LRRC7: variants seen among roughly 807,000 people sequenced by gnomAD.
LRRC7 encodes the protein leucine rich repeat containing 7, also known as leucine-rich repeat-containing protein 7.
LRRC7 carries 23 observed loss-of-function variants against 175.7 expected under a neutral mutation model. The observed-to-expected ratio is 0.13, with a 90% CI of 0.09 to 0.19. The LOEUF (loss-of-function observed/expected upper bound fraction) is 0.19. Among genes scored for constraint, LRRC7 ranks in the 10% least tolerant of loss-of-function variants. The pLI, the probability that LRRC7 is intolerant of heterozygous loss-of-function variation, is 1.00. For synonymous variants in LRRC7, 685 were observed against 680.9 expected (o/e 1.01, Z -0.09); for missense variants, 1,354 against 1,904.7 (o/e 0.71, Z 5.38).
intron 1 of LRRC7, among the ~76,000 whole-genome samples, chr1:69,604,982 A>T (rs1168896224): frequency 6.6e-6 from 1 of 152,208 alleles, no homozygotes; most frequent in Non-Finnish European, 1.5e-5. Context: ...CCCATTGAAC[A>T]TCAGAGTGAT....
chr1:69,788,653 C>A (rs1033303651), intron 3 of LRRC7, among the ~76,000 whole-genome samples: 5 of 152,040 alleles, frequency 3.3e-5, no homozygotes, highest in African/African-American at 1.2e-4. Context: ...GACATTATTG[C>A]CTCTTTAGCC....
At chr1:69,874,750 CT>C (rs1685888822) in intron 7 of LRRC7, 1 of 152,000 alleles carries the variant, frequency 6.6e-6, no homozygotes, top group South Asian at 2.1e-4. Flanking sequence ...ATGCCTAACT[CT>C]TTGTATAAAA....
chr1:69,578,003 T>C (rs1646028205), intron 1 of LRRC7, among the ~76,000 whole-genome samples: 1 of 152,088 alleles, frequency 6.6e-6, no homozygotes, highest in Non-Finnish European at 1.5e-5. Flanking sequence ...TGATTCTTCC[T>C]ACCCTACAAA....
intron 1 of LRRC7, among the ~76,000 whole-genome samples, chr1:69,571,294 T>G (rs1645730058): frequency 6.6e-6 from 1 of 152,210 alleles, no homozygotes; most frequent in African/African-American, 2.4e-5. Context: ...TTATTCAGAA[T>G]TTTAGTGCAG....
intron 3 of LRRC7, among the ~76,000 whole-genome samples, chr1:69,762,579 AT>A (rs1671154251): frequency 6.6e-6 from 1 of 151,904 alleles, no homozygotes; most frequent in African/African-American, 2.4e-5. Context: ...ATGGATGTGG[AT>A]GGGGGCAATA....
At chr1:69,736,667 G>T (rs946461155) in intron 2 of LRRC7, among the ~76,000 whole-genome samples, 6 of 152,076 alleles carry the variant, frequency 3.9e-5, no homozygotes, top group Admixed American at 3.3e-4. Flanking sequence ...TTATAGTAAA[G>T]CCATCACCTA....
intron 4 of LRRC7, among the ~76,000 whole-genome samples, chr1:69,806,557 T>C (rs1178192329): frequency 1.3e-5 from 2 of 151,926 alleles, no homozygotes; most frequent in Non-Finnish European, 2.9e-5. Flanking sequence ...GTATACAATA[T>C]GTTTGTTTCC....
At position 69,924,358 on chromosome 1, in the gene LRRC7, A is replaced by G. The variant is rs529287496; in HGVS notation, c.648-7149A>G. Among the ~76,000 whole-genome samples, 596 of 152,284 alleles carry G rather than the reference A, an allele frequency of 3.9e-3. 3 individuals carry two copies. The highest frequency in any genetic ancestry group is 0.013 in the African/African-American group (551 of 41,560). The stretch of plus-strand genomic sequence containing the variant: ...TGTGAAGAAAGTCATTGGTAGCTTG[A>G]TGGGGATGGCATTGAATCTATAAAT... On this transcript the variant is annotated intron_variant, in intron 7 of 26. Coordinates refer to ENST00000651989, the MANE Select transcript of LRRC7 (RefSeq NM_001370785.2).
At chr1:69,575,326 C>T (rs766349192) in intron 1 of LRRC7, among the ~76,000 whole-genome samples, 6 of 152,122 alleles carry the variant, frequency 3.9e-5, no homozygotes, top group Non-Finnish European at 8.8e-5. Flanking sequence ...TCAATAGATC[C>T]AATTAATATA....
At chr1:69,689,440 C>T (rs971086038) in intron 2 of LRRC7, among the ~76,000 whole-genome samples, 28 of 118,684 alleles carry the variant, frequency 2.4e-4, no homozygotes, top group Admixed American at 1.0e-3. Context: ...TCTGCTTAAC[C>T]CTTAAATTTT....
At chr1:70,001,335 CAG>C (rs1655502118) in intron 11 of LRRC7, among the ~76,000 whole-genome samples, 1 of 151,820 alleles carries the variant, frequency 6.6e-6, no homozygotes. Context: ...TGCCTTGATT[CAG>C]AGTTAAAATA....
chr1:69,969,088 G>A (rs887554875), intron 8 of LRRC7, among the ~76,000 whole-genome samples: 1 of 152,008 alleles, frequency 6.6e-6, no homozygotes, highest in Non-Finnish European at 1.5e-5. Flanking sequence ...AAAGTGCTGG[G>A]ATTACAGATG....
intron 1 of LRRC7, among the ~76,000 whole-genome samples, chr1:69,647,488 CT>C (rs1439178523): frequency 6.6e-6 from 1 of 152,126 alleles, no homozygotes; most frequent in African/African-American, 2.4e-5. Context: ...GGCCATGATT[CT>C]GATTTTGATG....
At chr1:69,725,092 G>T (rs1048214388) in intron 2 of LRRC7, among the ~76,000 whole-genome samples, 58 of 152,038 alleles carry the variant, frequency 3.8e-4, no homozygotes, top group Non-Finnish European at 6.2e-4. Flanking sequence ...ATATATATAT[G>T]TATATTACAG....
chr1:69,619,192 A>G (rs545194049), intron 1 of LRRC7, among the ~76,000 whole-genome samples: 6 of 152,314 alleles, frequency 3.9e-5, no homozygotes, highest in Non-Finnish European at 5.9e-5. Flanking sequence ...ACGCTGGTCC[A>G]TGGACCTGAA....
intron 1 of LRRC7, among the ~76,000 whole-genome samples, chr1:69,580,086 G>T (rs887216200): frequency 1.3e-5 from 2 of 152,138 alleles, no homozygotes; most frequent in African/African-American, 4.8e-5. Context: ...TTGACATGTG[G>T]TGTGAGAAAG....
At chr1:69,930,110 A>C (rs908448850) in intron 7 of LRRC7, among the ~76,000 whole-genome samples, 6 of 152,102 alleles carry the variant, frequency 3.9e-5, no homozygotes, top group African/African-American at 1.4e-4. Flanking sequence ...TCTCTGTAGC[A>C]CTTGTAACCT....
chr1:70,051,562 A>G (rs946386241), intron 22 of LRRC7, among the ~76,000 whole-genome samples: 2 of 152,048 alleles, frequency 1.3e-5, no homozygotes, highest in Non-Finnish European at 2.9e-5. Flanking sequence ...TTGAAGTAAC[A>G]CATACTTTAA....
intron 10 of LRRC7, among the ~76,000 whole-genome samples, chr1:69,987,278 A>T (rs1462157249): frequency 6.6e-6 from 1 of 152,208 alleles, no homozygotes; most frequent in Non-Finnish European, 1.5e-5. Flanking sequence ...TTATATGAGT[A>T]AAATAGTGAA....
Sources: gnomAD v4.1 joint callset for allele counts (sites outside exome capture counted in the v4.1 genomes callset) on GRCh38, gnomAD v4.1.1 for gene constraint, MANE v1.5 for transcripts, NCBI Gene and HGNC (gene_info 2026-07-23, HGNC 2026-07-21) for gene names.